The following MAP3K20 variants were observed in gnomAD, a reference collection of about 807,000 sequenced individuals.
MAP3K20 encodes the protein mitogen-activated protein kinase kinase kinase 20, also known as HCCS-4.
A neutral mutation model predicts 85.7 loss-of-function variants in MAP3K20; 40 were observed. The ratio of observed to expected loss-of-function variants is 0.47; its 90% CI spans 0.36 to 0.61. MAP3K20 has a LOEUF of 0.61. MAP3K20 is among the 20% of genes least tolerant of loss of function. MAP3K20 has a pLI of 0.00. For missense variants in MAP3K20, 817 were observed against 961.7 expected (o/e 0.85, Z 1.99); for synonymous variants, 325 against 327.7 (o/e 0.99, Z 0.09).
At chr2:173,226,290 T>C in intron 11 of MAP3K20, 1 of 985,438 alleles carries the variant, frequency 1.0e-6, no homozygotes, top group Non-Finnish European at 1.2e-6. Context: ...AAGAGTTTTA[T>C]GAAAGACAGT....
chr2:173,235,754 A>T (rs922146931), intron 14 of MAP3K20, among the ~76,000 whole-genome samples: 1 of 152,218 alleles, frequency 6.6e-6, no homozygotes, highest in Non-Finnish European at 1.5e-5. Context: ...TCATTAAAAA[A>T]TAATAATAAA....
intron 2 of MAP3K20, among the ~76,000 whole-genome samples, chr2:173,165,746 A>C (rs572416765): frequency 7.2e-4 from 109 of 152,280 alleles, no homozygotes; most frequent in African/African-American, 2.5e-3. Flanking sequence ...GTCACAACTC[A>C]CTGCAGCTTT....
At chr2:173,075,651 C>T, upstream of MAP3K20, 1 of 832,658 alleles carries the variant, frequency 1.2e-6, no homozygotes, top group Non-Finnish European at 1.4e-6. Context: ...CCCCACGGCC[C>T]TCCCCCCACA....
intron 9 of MAP3K20, among the ~76,000 whole-genome samples, chr2:173,204,770 C>G (rs1425795333): frequency 1.3e-5 from 2 of 152,090 alleles, no homozygotes; most frequent in South Asian, 2.1e-4. Context: ...ATTGTTATCT[C>G]TACTTTTGTA....
chr2:173,159,018 A>C (rs1689562200), intron 2 of MAP3K20, among the ~76,000 whole-genome samples: 1 of 152,240 alleles, frequency 6.6e-6, no homozygotes, highest in South Asian at 2.1e-4. Flanking sequence ...AAGGGATCTG[A>C]ATGACAATTT....
intron 12 of MAP3K20, among the ~76,000 whole-genome samples, chr2:173,231,986 C>A (rs1357784597): frequency 6.6e-6 from 1 of 152,220 alleles, no homozygotes; most frequent in Non-Finnish European, 1.5e-5. Context: ...GGGCTTTTAA[C>A]TGTCCAAGAC....
At chr2:173,178,661 A>C (rs562607506) in intron 3 of MAP3K20, among the ~76,000 whole-genome samples, 1 of 152,276 alleles carries the variant, frequency 6.6e-6, no homozygotes, top group East Asian at 1.9e-4. Context: ...TAATAATTGA[A>C]TTAGTAATTT....
chr2:173,147,228 C>T (rs111714325), intron 2 of MAP3K20, among the ~76,000 whole-genome samples: 3 of 152,120 alleles, frequency 2.0e-5, no homozygotes, highest in African/African-American at 4.8e-5. Flanking sequence ...GTTTAACTTT[C>T]GTTGCTTGTG....
intron 16 of MAP3K20, among the ~76,000 whole-genome samples, chr2:173,245,631 T>C (rs1684895727): frequency 6.6e-6 from 1 of 152,190 alleles, no homozygotes; most frequent in African/African-American, 2.4e-5. Flanking sequence ...TAAAGTTAAT[T>C]ATTAATTTAA....
At chr2:173,231,063 C>T (rs1170008927) in intron 12 of MAP3K20, among the ~76,000 whole-genome samples, 1 of 152,100 alleles carries the variant, frequency 6.6e-6, no homozygotes, top group Non-Finnish European at 1.5e-5. Flanking sequence ...ATTTAACAAG[C>T]TCAGGGTATC....
At chr2:173,218,871 G>T (rs1684152974) in intron 11 of MAP3K20, among the ~76,000 whole-genome samples, 1 of 152,078 alleles carries the variant, frequency 6.6e-6, no homozygotes, top group African/African-American at 2.4e-5. Flanking sequence ...CTACAATAAG[G>T]CTCTGTGTGC....
rs1559233772 is a variant in MAP3K20, at chr2:173,107,617, G to A, written c.159+16427G>A. 5.3e-5 allele frequency among the ~76,000 whole-genome samples: 8 copies of A among 152,312 alleles called. No homozygotes were observed. The South Asian group carries it at 1.7e-3, about 32-fold the overall frequency. On this transcript the variant is annotated intron_variant, in intron 2 of 19. Coordinates refer to ENST00000375213, the MANE Select transcript of MAP3K20 (RefSeq NM_016653.3). ...AATGGAGGCATTTAATTCCTAGGAA[G>A]CAATATGGCTTCGTGTTTAAGAGCC...
chr2:173,191,263 T>G (rs1690641825), intron 7 of MAP3K20, 86 bp downstream of exon 7: 7 of 1,544,226 alleles, frequency 4.5e-6, no homozygotes, highest in Non-Finnish European at 5.2e-6. Context: ...TAACATGGTT[T>G]TATTTTTATT....
In MAP3K20 at chr2:173,266,710, A is replaced by G. The variant is rs767968452; in HGVS notation, c.2363A>G (p.Glu788Gly). 1 of 1,584,770 alleles carries G rather than the reference A, an allele frequency of 6.3e-7. No individual in the cohort carries two copies. The highest frequency in any genetic ancestry group is 8.6e-7 in the Non-Finnish European group (1 of 1,165,710). The change falls in exon 20 of 20, where the codon GAG becomes GGG. Residue 788 changes from glutamate to glycine, a missense_variant. By Grantham distance (98) the Glu-to-Gly change is moderately conservative. Coordinates refer to ENST00000375213, the MANE Select transcript of MAP3K20 (RefSeq NM_016653.3). ...CCATCTCCCGCCAAAACCAATAAAG[A>G]GAGAGCCAGAGGGGACCACCGTGGA... ...HRPSPAKTNK[E>G]RARGDHRGWR...
In MAP3K20 at chr2:173,209,842, A is replaced by G. The variant is rs1372492593; in HGVS notation, c.851+7A>G. On this transcript the variant is annotated splice_region_variant and intron_variant, in intron 10 of 19. Transcript: ENST00000375213. Reference sequence around the variant, plus strand: ...ACAACAAGGCGGAGTGGAGGTGGGTAGCCCCGACAGCAGGCCACAGCGTCT... The same window carrying G: ...ACAACAAGGCGGAGTGGAGGTGGGTGGCCCCGACAGCAGGCCACAGCGTCT... 6.8e-6 allele frequency: 11 copies of G among 1,611,866 alleles called. No individual in the cohort carries two copies. The highest frequency in any genetic ancestry group is 8.5e-6 in the Non-Finnish European group (10 of 1,178,096).
chr2:173,255,729 G>A (rs1341863777), intron 16 of MAP3K20, among the ~76,000 whole-genome samples: 1 of 152,202 alleles, frequency 6.6e-6, no homozygotes, highest in African/African-American at 2.4e-5. Flanking sequence ...TTTTCACACA[G>A]TTCAAGGTCT....
At chr2:173,230,943 C>T (rs1001157243) in intron 12 of MAP3K20, among the ~76,000 whole-genome samples, 32 of 152,162 alleles carry the variant, frequency 2.1e-4, no homozygotes, top group African/African-American at 7.5e-4. Context: ...TTGCAGTGAG[C>T]TGAGATCACA....
At chr2:173,247,888 C>A (rs1438392067) in intron 16 of MAP3K20, among the ~76,000 whole-genome samples, 1 of 152,032 alleles carries the variant, frequency 6.6e-6, no homozygotes, top group African/African-American at 2.4e-5. Flanking sequence ...TTTACTGGGG[C>A]CTATGCTCAA....
intron 3 of MAP3K20, among the ~76,000 whole-genome samples, chr2:173,172,550 A>G (rs112977058): frequency 2.6e-5 from 4 of 152,226 alleles, no homozygotes; most frequent in African/African-American, 9.6e-5. Context: ...AGGGACTACA[A>G]TACATGATCT....
Sources: gnomAD v4.1 joint callset for allele counts (sites outside exome capture counted in the v4.1 genomes callset) on GRCh38, gnomAD v4.1.1 for gene constraint, MANE v1.5 for transcripts, NCBI Gene and HGNC (gene_info 2026-07-23, HGNC 2026-07-21) for gene names.